Variants in PLCH1 observed in about 807,000 individuals in gnomAD.
PLCH1 encodes the protein phospholipase C eta 1.
Under a neutral mutation model 126.7 loss-of-function variants are expected in PLCH1, and 60 were observed. The observed-to-expected ratio is 0.47, with a 90% CI of 0.38 to 0.59. PLCH1 has a LOEUF of 0.59. Among genes scored for constraint, PLCH1 ranks in the 20% least tolerant of loss-of-function variants. The pLI is 0.00. For missense variants in PLCH1, 1,723 were observed against 2,040.0 expected, an observed-to-expected ratio of 0.84 and a Z score of 2.99; for synonymous variants, 719 against 734.9, an observed-to-expected ratio of 0.98 and a Z score of 0.35.
intron 1 of PLCH1, among the ~76,000 whole-genome samples, chr3:155,708,856 G>A (rs574411975): frequency 5.9e-5 from 9 of 152,094 alleles, no homozygotes; most frequent in Non-Finnish European, 8.8e-5. Context: ...GCAGATTTAC[G>A]CTCTTTATTA....
intron 2 of PLCH1, among the ~76,000 whole-genome samples, chr3:155,598,971 A>ATC (rs148802841): frequency 0.018 from 2,685 of 146,246 alleles, 29 homozygotes; most frequent in Non-Finnish European, 0.025. Flanking sequence ...GGGCCCCATG[A>ATC]TCTCTCTCTC....
chr3:155,693,945 GAAAGA>G (rs1219775750), intron 2 of PLCH1, among the ~76,000 whole-genome samples: 8 of 151,432 alleles, frequency 5.3e-5, no homozygotes, highest in Non-Finnish European at 1.0e-4. Flanking sequence ...AAAAAAGAAA[GAAAGA>G]AAAGAAAAGA....
chr3:155,597,683 T>C (rs1733155613), intron 2 of PLCH1, among the ~76,000 whole-genome samples: 1 of 152,146 alleles, frequency 6.6e-6, no homozygotes, highest in Non-Finnish European at 1.5e-5. Context: ...CACCTTAACA[T>C]TGTATGCATA....
intron 10 of PLCH1, among the ~76,000 whole-genome samples, chr3:155,532,042 T>C (rs1722757031): frequency 6.6e-6 from 1 of 152,258 alleles, no homozygotes; most frequent in Admixed American, 6.5e-5. Context: ...ACAAAATGGC[T>C]AACTCTTGGG....
At chr3:155,622,751 A>G (rs1324757094) in intron 2 of PLCH1, among the ~76,000 whole-genome samples, 1 of 152,222 alleles carries the variant, frequency 6.6e-6, no homozygotes, top group Non-Finnish European at 1.5e-5. Context: ...AGGAGCACTC[A>G]GATTCATAAA....
intron 15 of PLCH1, among the ~76,000 whole-genome samples, chr3:155,495,603 G>A (rs751500498): frequency 1.3e-5 from 2 of 152,134 alleles, no homozygotes; most frequent in East Asian, 1.9e-4. Context: ...ATATGGTCTC[G>A]CTTTGCCAGC....
chr3:155,593,125 C>A (rs1224722793), intron 4 of PLCH1, among the ~76,000 whole-genome samples: 1 of 152,074 alleles, frequency 6.6e-6, no homozygotes, highest in Non-Finnish European at 1.5e-5. Context: ...TAGCGCTACT[C>A]CCTGCAAGGA....
Position 155,643,932 on chromosome 3 carries a change from A to T in PLCH1, c.80-47554T>A, listed in dbSNP as rs114910896. ...AGTCAATCCCATCCAACCAGTGGCA[A>T]GTTCTACTCCAGAGATCCTGCCCAG... On this transcript the variant is annotated intron_variant, in intron 2 of 22. Coordinates refer to ENST00000460012, the MANE Select transcript of PLCH1 (RefSeq NM_014996.4). Among the ~76,000 whole-genome samples, 1,192 of 152,296 alleles carry T rather than the reference A, an allele frequency of 7.8e-3. 16 individuals are homozygous for T. Among genetic ancestry groups the T allele is most frequent in the African/African-American group, 0.027 (1,137 of 41,554 alleles).
intron 1 of PLCH1, among the ~76,000 whole-genome samples, chr3:155,714,632 C>T (rs1487238416): frequency 6.6e-6 from 1 of 152,202 alleles, no homozygotes; most frequent in Non-Finnish European, 1.5e-5. Flanking sequence ...CTAATGCAAT[C>T]AGGAGCTGAA....
intron 2 of PLCH1, among the ~76,000 whole-genome samples, chr3:155,628,543 A>G (rs1411787391): frequency 1.1e-5 from 1 of 94,998 alleles, no homozygotes; most frequent in Non-Finnish European, 1.8e-5. Context: ...TTGGATCTTC[A>G]CCTCTCTTTT....
At chr3:155,683,280 T>C (rs1047559498) in intron 2 of PLCH1, among the ~76,000 whole-genome samples, 3 of 152,238 alleles carry the variant, frequency 2.0e-5, no homozygotes, top group Non-Finnish European at 2.9e-5. Context: ...TTTGAAAGAC[T>C]TGATTGTTTA....
At position 155,643,930 on chromosome 3, in the gene PLCH1, C is replaced by T. The variant is rs78122117; in HGVS notation, c.80-47552G>A. On this transcript the variant is annotated intron_variant, in intron 2 of 22. Coordinates refer to ENST00000460012, the MANE Select transcript of PLCH1 (RefSeq NM_014996.4). ...TTAGTCAATCCCATCCAACCAGTGGCAAGTTCTACTCCAGAGATCCTGCCC... is the reference window on the plus strand; with the variant it reads ...TTAGTCAATCCCATCCAACCAGTGGTAAGTTCTACTCCAGAGATCCTGCCC... Among the ~76,000 whole-genome samples the T allele has an allele frequency of 9.2e-5, 14 of 152,312 alleles. No homozygotes were observed. The East Asian group carries it at 2.7e-3, about 29-fold the overall frequency.
chr3:155,470,134 C>T (rs4507302), intron 21 of PLCH1, among the ~76,000 whole-genome samples: 86,370 of 150,648 alleles, frequency 0.57, 27,729 homozygotes, highest in Admixed American at 0.72. Context: ...CTCTGAGCTA[C>T]GGGATGACAT....
At chr3:155,743,328 TC>T (rs528631820) in intron 1 of PLCH1, 80 of 421,432 alleles carry the variant, frequency 1.9e-4, no homozygotes, top group South Asian at 1.3e-3. Context: ...GGTCAGGAGT[TC>T]CAGACCAGCC....
chr3:155,497,575 T>C (rs1293552417), intron 14 of PLCH1, among the ~76,000 whole-genome samples, 158 bp from the exon 15 acceptor site: 3 of 152,170 alleles, frequency 2.0e-5, no homozygotes, highest in Non-Finnish European at 4.4e-5. Context: ...TGCTTCCTAG[T>C]TCAGTGCTCT....
rs556184911 is a variant in PLCH1 at position 155,522,249 on chromosome 3, T to A, written c.1470+1648A>T. ...TAATGCTAAAAAAAAAGCTAAATTA[T>A]CCATAATCATAATTAATTATAAAAA... On this transcript the variant is annotated intron_variant, in intron 11 of 22. Transcript: ENST00000460012. Among the ~76,000 whole-genome samples the A allele has an allele frequency of 1.9e-4, 29 of 152,114 alleles. 1 individual carries two copies. In the South Asian group the frequency reaches 6.0e-3, roughly 32 times the overall value.
chr3:155,463,820 C>G (rs572202851), intron 21 of PLCH1, among the ~76,000 whole-genome samples: 1 of 152,124 alleles, frequency 6.6e-6, no homozygotes, highest in Non-Finnish European at 1.5e-5. Context: ...TTAGTCATCA[C>G]CACACACACA....
At chr3:155,731,386 T>A (rs886832998) in intron 1 of PLCH1, among the ~76,000 whole-genome samples, 4 of 152,138 alleles carry the variant, frequency 2.6e-5, no homozygotes, top group African/African-American at 9.7e-5. Context: ...CTCATGCACC[T>A]AGGCAGCAGG....
At chr3:155,585,408 G>T (rs1406136609) in intron 5 of PLCH1, among the ~76,000 whole-genome samples, 1 of 152,162 alleles carries the variant, frequency 6.6e-6, no homozygotes, top group Non-Finnish European at 1.5e-5. Context: ...TAATACTCTA[G>T]TAATTTCTAA....
Sources: allele counts gnomAD v4.1 joint callset (sites outside exome capture counted in the v4.1 genomes callset), GRCh38; gene constraint gnomAD v4.1.1; transcripts MANE v1.5; gene names NCBI Gene and HGNC (gene_info 2026-07-23, HGNC 2026-07-21).